Variants in SLC12A1 observed in about 807,000 individuals in gnomAD.
SLC12A1 encodes solute carrier family 12 member 1.
SLC12A1 carries 89 observed loss-of-function variants against 130.4 expected under a neutral mutation model. That is an observed-to-expected ratio of 0.68 (90% CI 0.58 to 0.81). The LOEUF (loss-of-function observed/expected upper bound fraction) is 0.81. Among genes scored for constraint, SLC12A1 ranks in the 40% least tolerant of loss-of-function variants. The pLI is 0.00. For missense variants in SLC12A1, 1,310 were observed against 1,336.4 expected (o/e 0.98, Z 0.31); for synonymous variants, 499 against 460.0 (o/e 1.08, Z -1.09).
In SLC12A1 at chr15:48,207,748, T is replaced by C. The variant is rs1286870736; in HGVS notation, c.29T>C (p.Phe10Ser). ...TCACTGAACAACTCTTCCAATGTAT[T>C]TCTGGATTCAGTGCCCAGTAATACC... The part of the protein sequence containing the change: MSLNNSSNV[F>S]LDSVPSNTNR... Residue 10 changes from phenylalanine (F) to serine (S), a missense_variant, in exon 2 of 27, where the codon TTT becomes TCT. Phe to Ser is a radical substitution (Grantham distance 155). Coordinates refer to ENST00000380993, the MANE Select transcript of SLC12A1 (RefSeq NM_000338.3). 1 of 1,595,180 alleles carries C rather than the reference T, an allele frequency of 6.3e-7. No homozygotes were observed. Among genetic ancestry groups the C allele is most frequent in the Admixed American group, 1.7e-5 (1 of 57,582 alleles).
At chr15:48,259,475 G>C (rs189213566) in intron 17 of SLC12A1, among the ~76,000 whole-genome samples, 164 bp downstream of exon 17, 1 of 152,286 alleles carries the variant, frequency 6.6e-6, no homozygotes, top group African/African-American at 2.4e-5. Flanking sequence ...GCAAGAGCCC[G>C]TGATCCTGAA....
At chr15:48,255,772 G>A in intron 15 of SLC12A1, 39 bp from the exon 16 acceptor site, 1 of 1,243,048 alleles carries the variant, frequency 8.0e-7, no homozygotes, top group Non-Finnish European at 1.2e-6. Context: ...CAGAGGAAAG[G>A]TCAGTGTTTT....
intron 19 of SLC12A1, among the ~76,000 whole-genome samples, chr15:48,272,766 T>C (rs1245352127): frequency 6.6e-6 from 1 of 152,060 alleles, no homozygotes; most frequent in Non-Finnish European, 1.5e-5. Flanking sequence ...TATATATTAG[T>C]TTTCAATGGC....
At chr15:48,247,203 T>C in intron 12 of SLC12A1, 134 bp from the exon 13 acceptor site, 1 of 965,808 alleles carries the variant, frequency 1.0e-6, no homozygotes, top group East Asian at 2.4e-5. Flanking sequence ...TAAAGAATGA[T>C]AAACTGCAGT....
intron 20 of SLC12A1, among the ~76,000 whole-genome samples, chr15:48,282,421 C>A (rs74011993): frequency 0.019 from 2,944 of 152,244 alleles, 110 homozygotes; most frequent in African/African-American, 0.068. Context: ...TTCTTTCCCT[C>A]TTTGTCCAAA....
At chr15:48,208,192 A>C (rs1487764996) in intron 2 of SLC12A1, 53 bp downstream of exon 2, 98 of 1,493,722 alleles carry the variant, frequency 6.6e-5, no homozygotes, top group Non-Finnish European at 8.2e-5. Context: ...ACTTCAGATA[A>C]TTTCCTTCTC....
intron 9 of SLC12A1, among the ~76,000 whole-genome samples, chr15:48,240,056 TATATATATATATATCC>T (rs1567316983): frequency 2.6e-4 from 27 of 103,168 alleles, no homozygotes; most frequent in African/African-American, 5.5e-4. Flanking sequence ...TATCCATATA[TATATATATATATATCC>T]ATATATATAT....
Position 48,302,763 on chromosome 15 carries a change from G to A in SLC12A1, c.3178G>A (p.Ala1060Thr), listed in dbSNP as rs1289327525. 1 of 1,607,946 alleles carries A rather than the reference G, an allele frequency of 6.2e-7. No individual in the cohort carries two copies. The highest frequency in any genetic ancestry group is 8.5e-7 in the Non-Finnish European group (1 of 1,177,202). The stretch of plus-strand genomic sequence containing the variant: ...TCATGTCATTAGGAGCCTTCCCGTG[G>A]CAAGAAAGGGATCCATATCGGATTT... The part of the protein sequence containing the change: ...ANLIVLSLPV[A>T]RKGSISDLLY... Residue 1060 changes from alanine to threonine, a missense_variant, in exon 27 of 27, where the codon GCA becomes ACA. Coordinates refer to ENST00000380993, the MANE Select transcript of SLC12A1 (RefSeq NM_000338.3).
chr15:48,273,247 A>G (rs921569522), intron 19 of SLC12A1, among the ~76,000 whole-genome samples: 3 of 152,124 alleles, frequency 2.0e-5, no homozygotes, highest in African/African-American at 7.2e-5. Flanking sequence ...AGCTCCCCTC[A>G]TGTGGGTGTG....
In SLC12A1 at chr15:48,258,125, G is replaced by C. The variant is rs951725963; in HGVS notation, c.2043-1075G>C. ...GCCTGTAATCCCAGCACTTTGGGAG[G>C]CCGAGGCGGGCGGATCACGAGGTCA... On this transcript the variant is annotated intron_variant, in intron 16 of 26. Transcript: ENST00000380993. Among the ~76,000 whole-genome samples, 25 of 70,720 alleles carry C rather than the reference G, an allele frequency of 3.5e-4. 4 individuals carry two copies. Among genetic ancestry groups the C allele is most frequent in the African/African-American group, 5.3e-4 (2 of 3,796 alleles). The allele number at this position is 70,720 out of a possible 152,430, so 46.4% of individuals were successfully genotyped here.
chr15:48,210,218 C>T (rs1010791368), intron 2 of SLC12A1, among the ~76,000 whole-genome samples: 1 of 152,138 alleles, frequency 6.6e-6, no homozygotes, highest in African/African-American at 2.4e-5. Flanking sequence ...AAAGATATTT[C>T]AATTGTTTCT....
chr15:48,249,402 C>G (rs1466314349), intron 13 of SLC12A1, among the ~76,000 whole-genome samples, 173 bp from the exon 14 acceptor site: 2 of 152,088 alleles, frequency 1.3e-5, no homozygotes, highest in African/African-American at 2.4e-5. Context: ...TATGGAAACC[C>G]TAGCTAAGAG....
intron 19 of SLC12A1, among the ~76,000 whole-genome samples, chr15:48,273,100 C>CAAAAA (rs58343718): frequency 2.4e-3 from 199 of 81,894 alleles, no homozygotes; most frequent in South Asian, 8.2e-3. Context: ...GTCAGACTGT[C>CAAAAA]AAAAAAAAAA....
intron 5 of SLC12A1, chr15:48,228,188 C>T (rs1050639052): frequency 1.3e-5 from 2 of 152,248 alleles, no homozygotes; most frequent in Non-Finnish European, 2.9e-5. Flanking sequence ...TAGTGCTTTT[C>T]ACCTTCAATA....
intron 5 of SLC12A1, 148 bp downstream of exon 5, chr15:48,226,719 A>C: frequency 1.5e-6 from 1 of 662,792 alleles, no homozygotes; most frequent in Non-Finnish European, 2.7e-6. Flanking sequence ...AGAAAACCTA[A>C]GGTACGATGA....
intron 21 of SLC12A1, among the ~76,000 whole-genome samples, chr15:48,286,197 G>A (rs28738793): frequency 1.3e-5 from 2 of 152,098 alleles, no homozygotes; most frequent in Non-Finnish European, 2.9e-5. Context: ...GCCCAAGGAC[G>A]AAATTTCACC....
intron 4 of SLC12A1, chr15:48,223,221 T>C (rs1400710483): frequency 2.6e-5 from 4 of 152,184 alleles, no homozygotes; most frequent in African/African-American, 9.7e-5. Flanking sequence ...GTAGCTTAGT[T>C]GTCTTACTGA....
chr15:48,238,345 A>G (rs1421653950), intron 9 of SLC12A1, among the ~76,000 whole-genome samples: 4 of 152,228 alleles, frequency 2.6e-5, no homozygotes, highest in African/African-American at 4.8e-5. Flanking sequence ...GAGCTAGGGC[A>G]GGACTGGCAG....
At chr15:48,270,209 G>A (rs2041877942) in intron 19 of SLC12A1, among the ~76,000 whole-genome samples, 1 of 152,138 alleles carries the variant, frequency 6.6e-6, no homozygotes, top group Non-Finnish European at 1.5e-5. Context: ...CCATATGCCA[G>A]GTGCTTCTGC....
Sources: allele counts gnomAD v4.1 joint callset (sites outside exome capture counted in the v4.1 genomes callset), GRCh38; gene constraint gnomAD v4.1.1; transcripts MANE v1.5; gene names NCBI Gene and HGNC (gene_info 2026-07-23, HGNC 2026-07-21).